The following NPAT variants were observed in gnomAD, a reference collection of about 807,000 sequenced individuals.
NPAT encodes nuclear protein, coactivator of histone transcription.
A neutral mutation model predicts 130.7 loss-of-function variants in NPAT; 52 were observed. That is an observed-to-expected ratio of 0.40 (90% confidence interval 0.32 to 0.50). The LOEUF is 0.50. Among genes scored for constraint, NPAT ranks in the 20% least tolerant of loss-of-function variants. The pLI is 0.68. For missense variants in NPAT, 1,687 were observed against 1,662.6 expected, an observed-to-expected ratio of 1.01 and a Z score of -0.26; for synonymous variants, 580 against 584.8, an observed-to-expected ratio of 0.99 and a Z score of 0.12.
intron 10 of NPAT, among the ~76,000 whole-genome samples, chr11:108,178,581 A>G (rs539904435): frequency 2.6e-4 from 40 of 152,282 alleles, no homozygotes; most frequent in African/African-American, 9.1e-4. Context: ...ATCTGGGCCC[A>G]GTGCAGTGGC....
At chr11:108,212,617 G>A (rs1474352452) in intron 1 of NPAT, among the ~76,000 whole-genome samples, 1 of 150,334 alleles carries the variant, frequency 6.7e-6, no homozygotes, top group Admixed American at 6.6e-5. Context: ...AAAATCCTAA[G>A]GAAGCCATAA....
rs77621857 is a variant in NPAT at position 108,185,764 on chromosome 11, T to C, written c.727-270A>G. Among the ~76,000 whole-genome samples, 906 of 152,302 alleles carry C rather than the reference T, an allele frequency of 5.9e-3. 10 individuals carry two copies. The highest frequency in any genetic ancestry group is 0.021 in the African/African-American group (858 of 41,558). ...AAATGCCCTATTTTTACAGTGTCGC[T>C]CTATAGCCCAGCCTGGAGTACAGTG... is the stretch of plus-strand genomic sequence containing the variant. On this transcript the variant is annotated intron_variant, in intron 8 of 17. Transcript: ENST00000278612.
intron 1 of NPAT, among the ~76,000 whole-genome samples, chr11:108,210,970 C>T (rs1414319407): frequency 4.6e-5 from 7 of 152,176 alleles, no homozygotes; most frequent in Non-Finnish European, 8.8e-5. Flanking sequence ...CCTATAATCC[C>T]AGCATTTTGG....
intron 1 of NPAT, among the ~76,000 whole-genome samples, chr11:108,203,516 G>A (rs2078294828): frequency 6.6e-6 from 1 of 152,242 alleles, no homozygotes; most frequent in South Asian, 2.1e-4. Flanking sequence ...TATCTCTGTT[G>A]ACCTGTAACA....
Position 108,197,193 on chromosome 11 carries a change from C to A in NPAT, c.156+109G>T. 4.8e-6 allele frequency: 4 copies of A among 828,770 alleles called. No individual in the cohort carries two copies. The South Asian group carries it at 5.5e-5, about 11-fold the overall frequency. The allele number at this position is 828,770 out of a possible 1,614,324, so 51.3% of individuals were successfully genotyped here. On this transcript the variant is annotated intron_variant, in intron 2 of 17. Transcript: ENST00000278612. ...ACCAGTCATGCATGAATATAAACCA[C>A]CAAATTTCTGCCAATTTCAATTTTT...
chr11:108,222,369 G>A (rs1565334702), intron 1 of NPAT, 131 bp downstream of exon 1: 2 of 905,148 alleles, frequency 2.2e-6, no homozygotes, highest in African/African-American at 1.6e-5. Context: ...AAGAATCACC[G>A]CCAGTCTCAA....
intron 3 of NPAT, among the ~76,000 whole-genome samples, chr11:108,192,903 G>A (rs1475249869): frequency 6.6e-6 from 1 of 151,892 alleles, no homozygotes; most frequent in Non-Finnish European, 1.5e-5. Context: ...GCGGTGAGCC[G>A]AGATCGCGCC....
chr11:108,170,140 A>G, intron 13 of NPAT, 97 bp from the exon 14 acceptor site: 1 of 782,826 alleles, frequency 1.3e-6, no homozygotes, highest in Non-Finnish European at 2.2e-6. Flanking sequence ...GCTTTGAAAT[A>G]AATTCTATGA....
At chr11:108,217,094 G>C (rs1424891557) in intron 1 of NPAT, among the ~76,000 whole-genome samples, 1 of 152,116 alleles carries the variant, frequency 6.6e-6, no homozygotes, top group East Asian at 1.9e-4. Flanking sequence ...TTTTCTCCAG[G>C]TACACGTTTC....
In NPAT at chr11:108,172,509, G is replaced by A; in HGVS notation, c.2475C>T (p.Asn825=). Residue 825 remains asparagine (N), a synonymous_variant, in exon 13 of 18, where the codon AAC becomes AAT. Coordinates refer to ENST00000278612, the MANE Select transcript of NPAT (RefSeq NM_002519.3). ...CAATGCCATCTTCATTCTGAGTATTGTTTACTGCAGAGTCTTCAGATTTGA... is the reference window on the plus strand; with the variant it reads ...CAATGCCATCTTCATTCTGAGTATTATTTACTGCAGAGTCTTCAGATTTGA... ...LTFKSEDSAV[N]NTQNEDGIAF... 1 of 1,614,164 alleles carries A rather than the reference G, an allele frequency of 6.2e-7. No homozygotes were observed. Among genetic ancestry groups the A allele is most frequent in the Non-Finnish European group, 8.5e-7 (1 of 1,180,030 alleles).
In NPAT at chr11:108,190,334, A is replaced by G. The variant is rs1056092412; in HGVS notation, c.331+126T>C. 1.5e-4 allele frequency: 93 copies of G among 617,090 alleles called. 2 individuals carry two copies. The highest frequency in any genetic ancestry group is 5.5e-4 in the East Asian group (17 of 31,144). The allele number at this position is 617,090 out of a possible 1,614,324, so 38.2% of individuals were successfully genotyped here. A position where few individuals can be genotyped will look rare whatever the true frequency, so the allele number is the denominator to read the frequency against. On this transcript the variant is annotated intron_variant, in intron 5 of 17. Transcript: ENST00000278612. ...TCTCAAAAAAAAAAAAAAAAAAAAA[A>G]AAAGAAAGAAAAACAGTAGTTTAAG...
intron 15 of NPAT, among the ~76,000 whole-genome samples, chr11:108,165,865 C>A (rs1362566449): frequency 6.6e-6 from 1 of 151,800 alleles, no homozygotes; most frequent in Non-Finnish European, 1.5e-5. Flanking sequence ...GATCTCCTGA[C>A]CTTGTGATCC....
intron 1 of NPAT, among the ~76,000 whole-genome samples, chr11:108,215,697 C>T (rs536809077): frequency 2.0e-5 from 3 of 152,216 alleles, no homozygotes; most frequent in Non-Finnish European, 4.4e-5. Context: ...ATATGGTCAT[C>T]TCGTTACAGG....
At chr11:108,188,641 T>C (rs1198622672) in intron 6 of NPAT, among the ~76,000 whole-genome samples, 1 of 152,174 alleles carries the variant, frequency 6.6e-6, no homozygotes, top group Non-Finnish European at 1.5e-5. Flanking sequence ...AAGTTTCAAG[T>C]ATGCAACAAA....
At chr11:108,183,673 A>C (rs112789409) in intron 10 of NPAT, among the ~76,000 whole-genome samples, 2,839 of 152,218 alleles carry the variant, frequency 0.019, 86 homozygotes, top group African/African-American at 0.064. Context: ...GTGGAGGTGC[A>C]TGCCTATAAT....
At chr11:108,177,554 T>C (rs2078020675) in intron 10 of NPAT, among the ~76,000 whole-genome samples, 1 of 152,322 alleles carries the variant, frequency 6.6e-6, no homozygotes, top group Non-Finnish European at 1.5e-5. Flanking sequence ...CAAGAAAATT[T>C]CCAATGACAT....
chr11:108,192,315 A>G (rs894645669), intron 3 of NPAT, 125 bp from the exon 4 acceptor site: 37 of 738,496 alleles, frequency 5.0e-5, no homozygotes, highest in Non-Finnish European at 8.4e-5. Flanking sequence ...AATGAGAAAT[A>G]AATCTATGTT....
chr11:108,194,747 T>G (rs997336619), intron 2 of NPAT, among the ~76,000 whole-genome samples: 4 of 152,186 alleles, frequency 2.6e-5, no homozygotes, highest in African/African-American at 9.7e-5. Context: ...ACTCCTGGCT[T>G]CAAGCCATGT....
Position 108,169,864 on chromosome 11 carries a change from A to G in NPAT, c.2902-12T>C. 3 of 1,612,322 alleles carry G rather than the reference A, an allele frequency of 1.9e-6. No homozygotes were observed. The highest frequency in any genetic ancestry group is 2.5e-6 in the Non-Finnish European group (3 of 1,178,354). On this transcript the variant is annotated splice_polypyrimidine_tract_variant and intron_variant, in intron 14 of 17. Transcript: ENST00000278612. ...GGCATATGAAGAACCTGGAAGAGAA[A>G]AAGCCATTAATTACACTAAGCTTGA... is the stretch of plus-strand genomic sequence containing the variant.
Sources: gnomAD v4.1 joint callset for allele counts (sites outside exome capture counted in the v4.1 genomes callset) on GRCh38, gnomAD v4.1.1 for gene constraint, MANE v1.5 for transcripts, NCBI Gene and HGNC (gene_info 2026-07-23, HGNC 2026-07-21) for gene names.